Variants in KSR2 observed in about 807,000 individuals in gnomAD.
The protein encoded by KSR2 is kinase suppressor of ras 2.
A neutral mutation model predicts 107.8 loss-of-function variants in KSR2; 25 were observed. That is an observed-to-expected ratio of 0.23 (90% CI 0.17 to 0.32). KSR2 has a LOEUF of 0.32. KSR2 is among the 10% of genes least tolerant of loss of function. The probability of loss-of-function intolerance (pLI) is 1.00; values close to 1 mark genes in which losing one functional copy is unlikely to be tolerated. For synonymous variants in KSR2, 480 were observed against 507.0 expected (o/e 0.95, Z 0.71); for missense variants, 887 against 1,268.9 (o/e 0.70, Z 4.57).
intron 5 of KSR2, among the ~76,000 whole-genome samples, chr12:117,625,414 G>C (rs878881921): frequency 6.6e-6 from 1 of 152,132 alleles, no homozygotes; most frequent in Non-Finnish European, 1.5e-5. Context: ...TAGCATGAAG[G>C]GCTGTTGAAT....
intron 3 of KSR2, among the ~76,000 whole-genome samples, chr12:117,822,438 A>G (rs1161818230): frequency 6.6e-6 from 1 of 152,172 alleles, no homozygotes; most frequent in Non-Finnish European, 1.5e-5. Context: ...TCCTCAGCCT[A>G]CAAAGGGGTT....
chr12:117,710,429 T>C (rs960149621), intron 4 of KSR2, among the ~76,000 whole-genome samples: 1 of 152,208 alleles, frequency 6.6e-6, no homozygotes, highest in East Asian at 1.9e-4. Flanking sequence ...GAAAGCTCTG[T>C]CCTGAGGTGG....
intron 16 of KSR2, among the ~76,000 whole-genome samples, chr12:117,476,848 A>G (rs954815803): frequency 6.6e-6 from 1 of 152,218 alleles, no homozygotes; most frequent in Non-Finnish European, 1.5e-5. Context: ...GCCCATCTTC[A>G]TTCAATGACA....
chr12:117,635,794 CT>C (rs780731850), intron 5 of KSR2, among the ~76,000 whole-genome samples: 266 of 140,562 alleles, frequency 1.9e-3, no homozygotes, highest in Middle Eastern at 3.8e-3. Context: ...TGGTATGTTA[CT>C]TTTTTTTTTT....
Position 117,805,029 on chromosome 12 carries a change from G to A in KSR2, c.473-43505C>T, listed in dbSNP as rs570821582. 7.2e-5 allele frequency among the ~76,000 whole-genome samples: 11 copies of A among 152,256 alleles called. No homozygotes were observed. In the East Asian group the frequency reaches 1.4e-3, roughly 19 times the overall value. On this transcript the variant is annotated intron_variant, in intron 3 of 19. Transcript: ENST00000339824. The stretch of plus-strand genomic sequence containing the variant: ...TCTAAGTAGGGTGACCAACCATCGC[G>A]GATGGACTGAGGGATTTCCAAGGAT...
chr12:117,759,870 G>T (rs1278262042), intron 4 of KSR2, among the ~76,000 whole-genome samples: 1 of 152,230 alleles, frequency 6.6e-6, no homozygotes, highest in Non-Finnish European at 1.5e-5. Context: ...CACTTTGGGA[G>T]GCCAAGGCGG....
intron 3 of KSR2, among the ~76,000 whole-genome samples, chr12:117,815,990 AGTGTGTGT>A (rs35013081): frequency 0.089 from 10,119 of 113,350 alleles, 686 homozygotes; most frequent in African/African-American, 0.19. Context: ...AAAAAAATAA[AGTGTGTGT>A]GTGTGTGTGT....
In KSR2 at chr12:117,875,774, A is replaced by G. The variant is rs555109458; in HGVS notation, c.181-15343T>C. On this transcript the variant is annotated intron_variant, in intron 1 of 19. Coordinates refer to ENST00000339824, the MANE Select transcript of KSR2 (RefSeq NM_173598.6). The stretch of plus-strand genomic sequence containing the variant: ...TGCCCAAGCTCCTCTCAATGCCACC[A>G]TCACGCCGCCCTGCTTTCTTTCCTT... Among the ~76,000 whole-genome samples the G allele has an allele frequency of 1.1e-4, 16 of 152,174 alleles. 1 individual carries two copies. The highest frequency in any genetic ancestry group is 9.8e-4 in the Admixed American group (15 of 15,284).
At chr12:117,677,556 T>C (rs148181854) in intron 4 of KSR2, among the ~76,000 whole-genome samples, 59 of 152,204 alleles carry the variant, frequency 3.9e-4, no homozygotes, top group African/African-American at 1.3e-3. Context: ...CGATCTGTGA[T>C]ATTTTGTGAC....
chr12:117,519,749 G>C (rs990042307), intron 14 of KSR2, among the ~76,000 whole-genome samples: 1 of 152,014 alleles, frequency 6.6e-6, no homozygotes, highest in Non-Finnish European at 1.5e-5. Context: ...GTAATTTAGC[G>C]TATATATAGA....
intron 1 of KSR2, among the ~76,000 whole-genome samples, chr12:117,885,846 A>G (rs2137337585): frequency 1.3e-5 from 2 of 152,208 alleles, no homozygotes; most frequent in East Asian, 3.9e-4. Context: ...CTGTAATCCC[A>G]GCACTTTGGG....
chr12:117,583,426 TGG>T (rs1565912041), intron 5 of KSR2, among the ~76,000 whole-genome samples: 2 of 144,230 alleles, frequency 1.4e-5, no homozygotes, highest in Non-Finnish European at 3.0e-5. Flanking sequence ...GATGGATGGA[TGG>T]ATGGATGGAT....
intron 7 of KSR2, among the ~76,000 whole-genome samples, chr12:117,562,370 TG>T (rs1878186508): frequency 6.6e-6 from 1 of 152,158 alleles, no homozygotes; most frequent in Non-Finnish European, 1.5e-5. Context: ...ATGGCCAGAC[TG>T]ATGTTTGGGA....
chr12:117,798,254 T>C (rs1473518109), intron 3 of KSR2, among the ~76,000 whole-genome samples: 1 of 152,160 alleles, frequency 6.6e-6, no homozygotes, highest in Non-Finnish European at 1.5e-5. Flanking sequence ...ACTCAGTCTC[T>C]CATATCCGCG....
intron 18 of KSR2, among the ~76,000 whole-genome samples, chr12:117,470,512 T>G (rs1871384960): frequency 6.6e-6 from 1 of 152,222 alleles, no homozygotes; most frequent in Non-Finnish European, 1.5e-5. Flanking sequence ...AGGTCAACAA[T>G]ACTTCCCAAA....
Position 117,642,298 on chromosome 12 carries a change from C to A in KSR2, c.1171+25176G>T, listed in dbSNP as rs1883411477. ...TCAATTCATCCGTTTCCTCGTTGCCCATCACAGCGGGTGAGCACTCAAAAA... is the reference window on the plus strand; with the variant it reads ...TCAATTCATCCGTTTCCTCGTTGCCAATCACAGCGGGTGAGCACTCAAAAA... On this transcript the variant is annotated intron_variant, in intron 5 of 19. Transcript: ENST00000339824. 2.6e-5 allele frequency among the ~76,000 whole-genome samples: 4 copies of A among 152,168 alleles called. 1 individual carries two copies. The highest frequency in any genetic ancestry group is 2.6e-4 in the Admixed American group (4 of 15,276).
chr12:117,654,562 G>A (rs1202811118), intron 5 of KSR2, among the ~76,000 whole-genome samples: 1 of 152,192 alleles, frequency 6.6e-6, no homozygotes. Flanking sequence ...ACTTCGAGCA[G>A]TGCACCTGGT....
intron 9 of KSR2, among the ~76,000 whole-genome samples, chr12:117,543,528 C>T (rs1236430134): frequency 6.6e-6 from 1 of 152,144 alleles, no homozygotes; most frequent in Non-Finnish European, 1.5e-5. Flanking sequence ...ATTCTAGTTC[C>T]TTTGTCTTTT....
Position 117,670,076 on chromosome 12 carries a change from A to C in KSR2, c.987-2418T>G, listed in dbSNP as rs564362791. 3.9e-5 allele frequency among the ~76,000 whole-genome samples: 6 copies of C among 152,262 alleles called. No homozygotes were observed. In the East Asian group the frequency reaches 1.2e-3, roughly 29 times the overall value. Reference sequence around the variant, plus strand: ...ATTTCCAACAGGCCCTCTCATACTGAGAAAGAGATAGAAAGGAGACACTAA... The same window carrying C: ...ATTTCCAACAGGCCCTCTCATACTGCGAAAGAGATAGAAAGGAGACACTAA... On this transcript the variant is annotated intron_variant, in intron 4 of 19. Coordinates refer to ENST00000339824, the MANE Select transcript of KSR2 (RefSeq NM_173598.6).
Sources: gnomAD v4.1 joint callset for allele counts (sites outside exome capture counted in the v4.1 genomes callset) on GRCh38, gnomAD v4.1.1 for gene constraint, MANE v1.5 for transcripts, NCBI Gene and HGNC (gene_info 2026-07-23, HGNC 2026-07-21) for gene names.